The following NAV1 variants were observed in gnomAD, a reference collection of about 807,000 sequenced individuals.
The protein encoded by NAV1 is pore membrane and/or filament interacting like protein 3.
NAV1 carries 18 observed loss-of-function variants against 175.2 expected under a neutral mutation model. That is an observed-to-expected ratio of 0.10 (90% CI 0.07 to 0.15). The LOEUF (loss-of-function observed/expected upper bound fraction) is 0.15, where lower values mean the gene tolerates loss of function less well. NAV1 is among the 10% of genes least tolerant of loss of function. The pLI is 1.00. For synonymous variants in NAV1, 897 were observed against 978.7 expected, an observed-to-expected ratio of 0.92 and a Z score of 1.56; for missense variants, 1,731 against 2,436.6, an observed-to-expected ratio of 0.71 and a Z score of 6.10.
In NAV1 at chr1:201,795,177, A is replaced by T. The variant is rs115084174; in HGVS notation, c.3517+600A>T. On this transcript the variant is annotated intron_variant, in intron 15 of 29. Transcript: ENST00000367296. Reference sequence around the variant, plus strand: ...TTTCTTTTTTATTCCACTACCAGTGATTCCCAGCTTTCATTGCTTTTTTCA... The same window carrying T: ...TTTCTTTTTTATTCCACTACCAGTGTTTCCCAGCTTTCATTGCTTTTTTCA... 878 of 152,470 alleles carry T rather than the reference A, an allele frequency of 5.8e-3. 7 individuals are homozygous for T. The highest frequency in any genetic ancestry group is 9.7e-3 in the Non-Finnish European group (661 of 68,200). 9.4% of individuals were successfully genotyped at this position (152,470 alleles called of 1,614,324 possible).
At chr1:201,648,169 C>T (rs1053951013), upstream of NAV1, 8 of 896,042 alleles carry the variant, frequency 8.9e-6, no homozygotes, top group African/African-American at 1.8e-5. Context: ...TTCCTCTGCT[C>T]GGAGCTGCAG....
intron 14 of NAV1, 34 bp downstream of exon 18, chr1:201,793,909 T>TGGGGTGGGGGGGGGGGGGGGGCCCC: frequency 1.9e-6 from 1 of 516,476 alleles, no homozygotes; most frequent in Non-Finnish European, 3.9e-6. Flanking sequence ...GAGGGGTGGG[T>TGGGGTGGGGGGGGGGGGGGGGCCCC]GCGGCGAGGG....
intron 1 of NAV1, among the ~76,000 whole-genome samples, chr1:201,695,754 C>T (rs1671163174): frequency 6.6e-6 from 1 of 152,192 alleles, no homozygotes; most frequent in African/African-American, 2.4e-5. Flanking sequence ...ACTCCATTGC[C>T]TCTTCTTGTA....
In NAV1 at chr1:201,562,171, A is replaced by AT. The variant is rs566214709; in HGVS notation, c.-144+22846dup. The stretch of plus-strand genomic sequence containing the variant: ...AGGCACACACCACCTTGCCTGGCTA[A>AT]TTTTTTTTTTTTTTTTTGTAGAGAC... On this transcript the variant is annotated intron_variant, in intron 1 of 33. Transcript: ENST00000685211. Among the ~76,000 whole-genome samples, 1,226 of 127,228 alleles carry AT rather than the reference A, an allele frequency of 9.6e-3. 24 individuals are homozygous for AT. The highest frequency in any genetic ancestry group is 0.024 in the Middle Eastern group (6 of 248). 83.5% of individuals were successfully genotyped at this position (127,228 alleles called of 152,430 possible).
chr1:201,725,571 G>T (rs1672569242), intron 3 of NAV1, among the ~76,000 whole-genome samples: 1 of 152,022 alleles, frequency 6.6e-6, no homozygotes, highest in African/African-American at 2.4e-5. Flanking sequence ...GAGCCCAGGA[G>T]TTGGGGCGGG....
At chr1:201,651,188 AGGGCAAG>A (rs1669193264) in intron 1 of NAV1, among the ~76,000 whole-genome samples, 1 of 146,194 alleles carries the variant, frequency 6.8e-6, no homozygotes, top group Non-Finnish European at 1.5e-5. Context: ...TTGGCGAGGG[AGGGCAAG>A]GGAGTATCGG....
chr1:201,601,903 C>G (rs1667523963), intron 2 of NAV1, among the ~76,000 whole-genome samples: 1 of 152,134 alleles, frequency 6.6e-6, no homozygotes, highest in South Asian at 2.1e-4. Flanking sequence ...TCATGGCAGC[C>G]TCAGTGGTGG....
chr1:201,587,453 A>T (rs1180987359), intron 1 of NAV1, among the ~76,000 whole-genome samples: 1 of 152,010 alleles, frequency 6.6e-6, no homozygotes, highest in Non-Finnish European at 1.5e-5. Flanking sequence ...TAAGAGGCCA[A>T]GGGGGGTGGG....
exon 30 of NAV1, chr1:201,820,072 G>A: frequency 1.3e-6 from 1 of 790,514 alleles, no homozygotes; most frequent in South Asian, 1.7e-5. Context: ...GATGAAAGAG[G>A]AGGGACAGGT....
chr1:201,809,053 C>T (rs1678515588), intron 20 of NAV1, 111 bp from the exon 25 acceptor site: 1 of 1,322,132 alleles, frequency 7.6e-7, no homozygotes, highest in Non-Finnish European at 1.1e-6. Context: ...TTTGGGACCT[C>T]CATTCCTTCT....
At chr1:201,802,598 G>A (rs985895137) in intron 15 of NAV1, among the ~76,000 whole-genome samples, 1 of 151,696 alleles carries the variant, frequency 6.6e-6, no homozygotes, top group African/African-American at 2.4e-5. Flanking sequence ...GGTCAACATG[G>A]TGAAACCCCG....
At chr1:201,672,589 C>A (rs191884157) in intron 1 of NAV1, among the ~76,000 whole-genome samples, 129 of 152,290 alleles carry the variant, frequency 8.5e-4, no homozygotes, top group Non-Finnish European at 1.6e-3. Context: ...GGGCCAGGAA[C>A]CTGAGGCAAA....
At chr1:201,816,123 G>T (rs1679014784) in intron 28 of NAV1, among the ~76,000 whole-genome samples, 1 of 151,804 alleles carries the variant, frequency 6.6e-6, no homozygotes, top group Non-Finnish European at 1.5e-5. Context: ...GTTAATCCCA[G>T]CACTTTGGGA....
At chr1:201,784,820 G>A (rs1241300594) in intron 7 of NAV1, among the ~76,000 whole-genome samples, 2 of 151,958 alleles carry the variant, frequency 1.3e-5, no homozygotes, top group Admixed American at 6.6e-5. Flanking sequence ...AGGCTGGAGT[G>A]CAGTGGCGCG....
chr1:201,747,170 C>G (rs768465094), intron 3 of NAV1, among the ~76,000 whole-genome samples: 11 of 152,286 alleles, frequency 7.2e-5, no homozygotes, highest in Non-Finnish European at 1.6e-4. Flanking sequence ...CCATCCCACT[C>G]TGTCATCTTC....
At chr1:201,753,352 A>G (rs1283542245) in intron 3 of NAV1, among the ~76,000 whole-genome samples, 1 of 152,230 alleles carries the variant, frequency 6.6e-6, no homozygotes, top group Non-Finnish European at 1.5e-5. Flanking sequence ...ATTTCAGCCC[A>G]TAATTGGGTA....
rs981802495 is a variant in NAV1 at position 201,788,147 on chromosome 1, T to A, written c.2996-321T>A. On this transcript the variant is annotated intron_variant, in intron 9 of 29. Transcript: ENST00000367296. The surrounding 1 kb of genome is among the most constrained non-coding windows in gnomAD (Gnocchi z 5.7). ...TCAGCACATCCGAGTGATGTGAAGG[T>A]CTCAGAAAAGCTGCCAGGCCCCCAG... Among the ~76,000 whole-genome samples the A allele has an allele frequency of 3.3e-5, 5 of 152,226 alleles. No individual in the cohort carries two copies. The highest frequency in any genetic ancestry group is 3.3e-4 in the Admixed American group (5 of 15,302).
Position 201,822,014 on chromosome 1 carries a change from G to A in NAV1, c.*2082G>A, listed in dbSNP as rs182380184. 7.2e-5 allele frequency: 11 copies of A among 152,692 alleles called. No individual in the cohort carries two copies. In the East Asian group the frequency reaches 1.3e-3, roughly 19 times the overall value. 9.5% of individuals were successfully genotyped at this position (152,692 alleles called of 1,614,324 possible). A position where few individuals can be genotyped will look rare whatever the true frequency, so the allele number is the denominator to read the frequency against. On this transcript the variant is annotated 3_prime_UTR_variant, in exon 30 of 30. Coordinates refer to ENST00000367296, the Ensembl canonical transcript of NAV1. Reference sequence around the variant, plus strand: ...GTAGATGCATCTGAATCTTCATATCGGTATATTAAGTCCAAAAGATGGTCC... The same window carrying A: ...GTAGATGCATCTGAATCTTCATATCAGTATATTAAGTCCAAAAGATGGTCC...
chr1:201,610,768 T>C (rs1454629904), intron 2 of NAV1, among the ~76,000 whole-genome samples: 1 of 152,168 alleles, frequency 6.6e-6, no homozygotes, highest in Non-Finnish European at 1.5e-5. Context: ...GTGAAATCTT[T>C]GCTATTGCTT....
Sources: allele counts gnomAD v4.1 joint callset (sites outside exome capture counted in the v4.1 genomes callset), GRCh38; gene constraint gnomAD v4.1.1; non-coding constraint Gnocchi (gnomAD v3.1); transcripts MANE v1.5; gene names NCBI Gene and HGNC (gene_info 2026-07-23, HGNC 2026-07-21).